The following RNF44 variants were observed in gnomAD, a reference collection of about 807,000 sequenced individuals.
RNF44 encodes the protein ring finger protein 44.
Under a neutral mutation model 53.6 loss-of-function variants are expected in RNF44, and 25 were observed. That is an observed-to-expected ratio of 0.47 (90% CI 0.34 to 0.65). RNF44 has a LOEUF of 0.65. RNF44 is among the 30% of genes least tolerant of loss of function. RNF44 has a pLI of 0.01. For synonymous variants in RNF44, 282 were observed against 252.2 expected (o/e 1.12, Z -1.12); for missense variants, 581 against 595.5 (o/e 0.98, Z 0.25).
chr5:176,529,924 G>T, intron 7 of RNF44, 106 bp from the exon 8 acceptor site: 2 of 1,390,500 alleles, frequency 1.4e-6, no homozygotes, highest in South Asian at 3.0e-5. Context: ...ACGTTGCAGC[G>T]GGGAAGGGAG....
intron 1 of RNF44, among the ~76,000 whole-genome samples, chr5:176,535,215 G>C (rs1757045051): frequency 6.6e-6 from 1 of 152,230 alleles, no homozygotes; most frequent in Non-Finnish European, 1.5e-5. Flanking sequence ...CTGTAAAATG[G>C]GAACAGCCCA....
chr5:176,531,330 C>A lies in RNF44; in HGVS notation c.465+133G>T. The A allele has an allele frequency of 1.1e-6, 1 of 875,120 alleles. No individual in the cohort carries two copies. Among genetic ancestry groups the A allele is most frequent in the Non-Finnish European group, 1.7e-6 (1 of 585,560 alleles). 54.2% of individuals were successfully genotyped at this position (875,120 alleles called of 1,614,324 possible). ...ACACGCGTATGCTTTCCTGGGGAGG[C>A]CAGGCAGGCGCTCTGACAGCCTGGA... On this transcript the variant is annotated intron_variant, in intron 4 of 10. Coordinates refer to ENST00000274811, the MANE Select transcript of RNF44 (RefSeq NM_014901.5). This position sits in a 1 kb window ranked among gnomAD's most constrained non-coding sequence, Gnocchi z 4.2.
At chr5:176,537,910 G>A (rs1561857821), upstream of RNF44, 1 of 152,146 alleles carries the variant, frequency 6.6e-6, no homozygotes, top group Non-Finnish European at 1.5e-5. Context: ...CTGACATCAT[G>A]GCCCGGCCGC....
rs1256261109 is a variant in RNF44 at position 176,532,104 on chromosome 5, G to A, written c.197C>T (p.Pro66Leu). The change falls in exon 3 of 11, where the codon CCC becomes CTC. Residue 66 changes from proline (P) to leucine (L), a missense_variant. Pro to Leu is a moderately conservative substitution (Grantham distance 98). This residue lies in a region of RNF44 where 387 missense variants were observed against 366.0 expected (regional missense o/e 1.06). Coordinates refer to ENST00000274811, the MANE Select transcript of RNF44 (RefSeq NM_014901.5). ...AGCCGAGGCTCGGCGCTCCTCTACG[G>A]GGAGGTGTGGAGGTCGGGACGGCGG... ...QQPPSRPPHL[P>L]VEERRASAPA... is the part of the protein sequence containing the mutation. The A allele has an allele frequency of 6.3e-7, 1 of 1,596,604 alleles. No individual in the cohort carries two copies. Among genetic ancestry groups the A allele is most frequent in the Admixed American group, 1.8e-5 (1 of 56,046 alleles).
Position 176,529,366 on chromosome 5 carries a change from G to A in RNF44, c.1158C>T (p.Asp386=), listed in dbSNP as rs764829894. The A allele has an allele frequency of 6.2e-7, 1 of 1,613,494 alleles. No individual in the cohort carries two copies. The highest frequency in any genetic ancestry group is 1.1e-5 in the South Asian group (1 of 91,072). Residue 386 remains aspartate, a synonymous_variant, in exon 10 of 11, where the codon GAC becomes GAT. Transcript: ENST00000274811. The stretch of plus-strand genomic sequence containing the variant: ...CTCGGAGCAGCTGCCGCGCCTCGAA[G>A]TCACTGAAGCAGACCACACACCTGT... ...EQTLCVVCFS[D]FEARQLLRVL...
At position 176,529,053 on chromosome 5, in the gene RNF44, G is replaced by A. The variant is rs769186765; in HGVS notation, c.1274C>T (p.Ser425Phe). 6.2e-7 allele frequency: 1 copy of A among 1,612,968 alleles called. No individual in the cohort carries two copies. The highest frequency in any genetic ancestry group is 8.5e-7 in the Non-Finnish European group (1 of 1,179,964). ...RTCPICRADA[S>F]EVPREAE ...TCACTCAGCCTCCCTGGGCACCTCG[G>A]AGGCGTCGGCCCGGCAGATGGGACA... is the stretch of plus-strand genomic sequence containing the variant. Residue 425 changes from serine to phenylalanine, a missense_variant, in exon 11 of 11, where the codon TCC becomes TTC. Transcript: ENST00000274811.
At chr5:176,532,771 G>GA (rs1756828206) in intron 1 of RNF44, among the ~76,000 whole-genome samples, 2 of 67,404 alleles carry the variant, frequency 3.0e-5, no homozygotes, top group Non-Finnish European at 6.8e-5. Context: ...AAAAAAGAAA[G>GA]AAACTGAGGC....
chr5:176,530,921 G>GGGGGGGGGGC lies in RNF44; in HGVS notation c.565_566insGCCCCCCCCC (p.Ala189GlyfsTer146). 5 of 778,438 alleles carry GGGGGGGGGGC rather than the reference G, an allele frequency of 6.4e-6. No individual in the cohort carries two copies. The highest frequency in any genetic ancestry group is 9.7e-6 in the Non-Finnish European group (5 of 514,194). 48.2% of individuals were successfully genotyped at this position (778,438 alleles called of 1,614,324 possible). On this transcript the variant is annotated frameshift_variant, in exon 5 of 11. Transcript: ENST00000274811. LOFTEE classifies it high-confidence loss of function. ...CATGTGGGTGGGCTGGGGGGGTGGG[G>GGGGGGGGGGC]CCGGTGGTGGGGGGTGCAGGATGTA...
In RNF44 at chr5:176,531,810, G is replaced by A. The variant is rs1175396876; in HGVS notation, c.298-180C>T. The A allele has an allele frequency of 1.9e-5, 16 of 863,934 alleles. No individual in the cohort carries two copies. The highest frequency in any genetic ancestry group is 5.4e-5 in the East Asian group (2 of 36,920). The allele number at this position is 863,934 out of a possible 1,614,324, so 53.5% of individuals were successfully genotyped here. A position where few individuals can be genotyped will look rare whatever the true frequency, so the allele number is the denominator to read the frequency against. Reference sequence around the variant, plus strand: ...AGGCCCCCGGGGCAGAGAAAGCCCCGTGGGAATCTAGCTCTGCTAGTCACC... The same window carrying A: ...AGGCCCCCGGGGCAGAGAAAGCCCCATGGGAATCTAGCTCTGCTAGTCACC... On this transcript the variant is annotated intron_variant, in intron 3 of 10. Transcript: ENST00000274811. This position sits in a 1 kb window ranked among gnomAD's most constrained non-coding sequence, Gnocchi z 4.2.
chr5:176,540,662 C>T (rs867274708), upstream of RNF44, among the ~76,000 whole-genome samples: 7 of 152,320 alleles, frequency 4.6e-5, no homozygotes, highest in Middle Eastern at 3.4e-3. Flanking sequence ...CGCTGGGTGG[C>T]GGATGCCCAG....
At chr5:176,539,132 T>C (rs969036504), upstream of RNF44, among the ~76,000 whole-genome samples, 2 of 152,232 alleles carry the variant, frequency 1.3e-5, no homozygotes, top group East Asian at 1.9e-4. Context: ...ATCGTATCAC[T>C]GTGCAACACA....
rs897798992 is a variant in RNF44 at position 176,531,706 on chromosome 5, T to C, written c.298-76A>G. The C allele has an allele frequency of 2.1e-6, 3 of 1,427,808 alleles. No homozygotes were observed. Among genetic ancestry groups the C allele is most frequent in the Admixed American group, 2.1e-5 (1 of 46,784 alleles). The allele number at this position is 1,427,808 out of a possible 1,614,324, so 88.4% of individuals were successfully genotyped here. A position where few individuals can be genotyped will look rare whatever the true frequency, so the allele number is the denominator to read the frequency against. On this transcript the variant is annotated intron_variant, in intron 3 of 10. Transcript: ENST00000274811. This position sits in a 1 kb window ranked among gnomAD's most constrained non-coding sequence, Gnocchi z 4.2. ...GGGCTACTCTCAGGAGAAATCATCC[T>C]GCCACATCCAGCTGCCGGCTCCCTT...
Position 176,530,909 on chromosome 5 carries a change from T to TGG in RNF44, c.576_577dup (p.Gln193ProfsTer81). The stretch of plus-strand genomic sequence containing the variant: ...CCCCAGGGGCGCCATGTGGGTGGGC[T>TGG]GGGGGGGTGGGGCCGGTGGTGGGGG... On this transcript the variant is annotated frameshift_variant, in exon 5 of 11. Coordinates refer to ENST00000274811, the MANE Select transcript of RNF44 (RefSeq NM_014901.5). LOFTEE classifies it high-confidence loss of function. 1.9e-5 allele frequency: 2 copies of TGG among 104,562 alleles called. No individual in the cohort carries two copies. The highest frequency in any genetic ancestry group is 1.4e-4 in the Admixed American group (1 of 6,920). The allele number at this position is 104,562 out of a possible 1,614,324, so 6.5% of individuals were successfully genotyped here. A position where few individuals can be genotyped will look rare whatever the true frequency, so the allele number is the denominator to read the frequency against.
Position 176,530,102 on chromosome 5 carries a change from G to A in RNF44, c.906C>T (p.Pro302=), listed in dbSNP as rs1026780307. 8 of 1,312,720 alleles carry A rather than the reference G, an allele frequency of 6.1e-6. No individual in the cohort carries two copies. In the Admixed American group the frequency reaches 1.1e-4, roughly 18 times the overall value. 81.3% of individuals were successfully genotyped at this position (1,312,720 alleles called of 1,614,324 possible). ...PPPPPPPPYY[P]SFLPYFLSML... The stretch of plus-strand genomic sequence containing the variant: ...CTTACAGGAAGTAGGGCAGGAAGCT[G>A]GGGTAGTAGGGTGGTGGGGGTGGGG... The change falls in exon 7 of 11, where the codon CCC becomes CCT. Residue 302 remains proline (P), a synonymous_variant. Coordinates refer to ENST00000274811, the MANE Select transcript of RNF44 (RefSeq NM_014901.5).
rs749375616 is a variant in RNF44, at chr5:176,529,016, GGCT to G, written c.*9_*11del. 87 of 1,609,828 alleles carry G rather than the reference GGCT, an allele frequency of 5.4e-5. No homozygotes were observed. The East Asian group carries it at 1.7e-3, about 32-fold the overall frequency. On this transcript the variant is annotated 3_prime_UTR_variant, in exon 11 of 11. Coordinates refer to ENST00000274811, the MANE Select transcript of RNF44 (RefSeq NM_014901.5). Reference sequence around the variant, plus strand: ...TCAGGCAGGGTTCTCCCGGGCAGGCGGCTGCGTGGCCTCACTCAGCCTCCCTGG... The same window carrying G: ...TCAGGCAGGGTTCTCCCGGGCAGGCGGCGTGGCCTCACTCAGCCTCCCTGG...
At chr5:176,540,190 G>C (rs1333370784), upstream of RNF44, among the ~76,000 whole-genome samples, 1 of 152,160 alleles carries the variant, frequency 6.6e-6, no homozygotes, top group Non-Finnish European at 1.5e-5. Flanking sequence ...CCTGGCTGAA[G>C]GGGTTTGGCT....
rs938357746 is a variant in RNF44, at chr5:176,534,956, C to T, written c.-45+1984G>A. 5.3e-5 allele frequency among the ~76,000 whole-genome samples: 8 copies of T among 152,324 alleles called. No homozygotes were observed. The South Asian group carries it at 1.7e-3, about 32-fold the overall frequency. ...GCAGATGGCTGAGTAGTGCCAGGCC[C>T]AAGGCACTCCTGCAGAGGCCCAGGC... On this transcript the variant is annotated intron_variant, in intron 1 of 10. Transcript: ENST00000274811.
At position 176,531,121 on chromosome 5, in the gene RNF44, C is replaced by T; in HGVS notation, c.466-100G>A. On this transcript the variant is annotated intron_variant, in intron 4 of 10. Coordinates refer to ENST00000274811, the MANE Select transcript of RNF44 (RefSeq NM_014901.5). The surrounding 1 kb of genome is among the most constrained non-coding windows in gnomAD (Gnocchi z 4.2). Reference sequence around the variant, plus strand: ...AAAAGGCCCCCACCGGGCACACACCCAGCAGCTCCAGGGTCTGTATAAGAA... The same window carrying T: ...AAAAGGCCCCCACCGGGCACACACCTAGCAGCTCCAGGGTCTGTATAAGAA... 1.2e-6 allele frequency: 1 copy of T among 836,460 alleles called. No homozygotes were observed. The highest frequency in any genetic ancestry group is 1.7e-6 in the Non-Finnish European group (1 of 578,594). The allele number at this position is 836,460 out of a possible 1,614,324, so 51.8% of individuals were successfully genotyped here.
chr5:176,534,820 G>T (rs965387318), intron 1 of RNF44, among the ~76,000 whole-genome samples: 7 of 152,246 alleles, frequency 4.6e-5, no homozygotes, highest in African/African-American at 1.7e-4. Flanking sequence ...AGGCCAGTCA[G>T]CTGGAATCGT....
Sources: allele counts gnomAD v4.1 joint callset (sites outside exome capture counted in the v4.1 genomes callset), GRCh38; gene constraint gnomAD v4.1.1; regional missense constraint gnomAD v4.1.1; non-coding constraint Gnocchi (gnomAD v3.1); transcripts MANE v1.5; gene names NCBI Gene and HGNC (gene_info 2026-07-23, HGNC 2026-07-21).